The following HOXC4 variants were observed in gnomAD, a reference collection of about 807,000 sequenced individuals.
HOXC4 encodes the protein homeobox protein Hox-C4.
A neutral mutation model predicts 25.5 loss-of-function variants in HOXC4; 15 were observed. That is an observed-to-expected ratio of 0.59 (90% CI 0.39 to 0.91). The LOEUF (loss-of-function observed/expected upper bound fraction) is 0.91, where lower values mean the gene tolerates loss of function less well. Among genes scored for constraint, HOXC4 ranks in the 40% least tolerant of loss-of-function variants. HOXC4 has a pLI of 0.00. For missense variants in HOXC4, 342 were observed against 352.4 expected, an observed-to-expected ratio of 0.97 and a Z score of 0.24; for synonymous variants, 165 against 148.0, an observed-to-expected ratio of 1.11 and a Z score of -0.83.
At chr12:54,031,735 C>T (rs780671785) in intron 1 of HOXC4, among the ~76,000 whole-genome samples, 1 of 152,176 alleles carries the variant, frequency 6.6e-6, no homozygotes, top group Non-Finnish European at 1.5e-5. Context: ...GGGGCCTTCT[C>T]CTGGCGGGGC....
Position 54,054,249 on chromosome 12 carries a change from C to T in HOXC4, c.327C>T (p.Ser109=). 6.2e-7 allele frequency: 1 copy of T among 1,611,036 alleles called. No homozygotes were observed. The highest frequency in any genetic ancestry group is 8.5e-7 in the Non-Finnish European group (1 of 1,178,700). The change falls in exon 1 of 2, where the codon TCC becomes TCT. Residue 109 remains serine, a synonymous_variant. Transcript: ENST00000430889. Reference sequence around the variant, plus strand: ...CGCCTCTCTCAGGCGCCTCCGCCTCCCCGTCCCCAGCCCCGCCAGCCTGCA... The same window carrying T: ...CGCCTCTCTCAGGCGCCTCCGCCTCTCCGTCCCCAGCCCCGCCAGCCTGCA... ...EPAPLSGASA[S]PSPAPPACSQ...
At chr12:54,052,297 G>T (rs1380117225), upstream of HOXC4, among the ~76,000 whole-genome samples, 1 of 152,188 alleles carries the variant, frequency 6.6e-6, no homozygotes, top group South Asian at 2.1e-4. Context: ...CCCTATAAAA[G>T]CTGTAGCGAC....
chr12:54,034,777 A>C (rs943620752), intron 1 of HOXC4: 1 of 428,836 alleles, frequency 2.3e-6, no homozygotes, highest in African/African-American at 2.0e-5. Flanking sequence ...TGCGGCGTAC[A>C]GGCTGGCGCA....
intron 1 of HOXC4, among the ~76,000 whole-genome samples, chr12:54,027,923 G>GA (rs1187612234): frequency 6.6e-6 from 1 of 151,746 alleles, no homozygotes; most frequent in Middle Eastern, 3.2e-3. Context: ...AATTATTGGT[G>GA]AAAAAAATAC....
At chr12:54,029,062 C>G in intron 1 of HOXC4, 1 of 821,642 alleles carries the variant, frequency 1.2e-6, no homozygotes, top group Non-Finnish European at 1.9e-6. Flanking sequence ...ACAGGGCCCC[C>G]TCTTCTGCCC....
chr12:54,033,048 A>G, intron 1 of HOXC4: 2 of 1,242,414 alleles, frequency 1.6e-6, no homozygotes, highest in Non-Finnish European at 2.3e-6. Flanking sequence ...AGAACAAAAA[A>G]CCCCTCAACT....
chr12:54,054,029 A>G lies in HOXC4; in HGVS notation c.107A>G (p.Tyr36Cys), dbSNP rs1937908602. 1.2e-6 allele frequency: 2 copies of G among 1,613,496 alleles called. No individual in the cohort carries two copies. The highest frequency in any genetic ancestry group is 1.7e-6 in the Non-Finnish European group (2 of 1,179,382). Residue 36 changes from tyrosine (Y) to cysteine (C), a missense_variant, in exon 1 of 2, where the codon TAT (tyrosine) becomes TGT (cysteine). Coordinates refer to ENST00000430889, the MANE Select transcript of HOXC4 (RefSeq NM_153633.3). ...TACATCCCTGAACACAGTCCGGAAT[A>G]TTACGGCCGGACCAGGGAATCGGGA... ...NSYIPEHSPEYYGRTRESGFQ... is the reference protein window; with the variant it reads ...NSYIPEHSPECYGRTRESGFQ...
At chr12:54,023,123 T>A (rs376009935) in intron 1 of HOXC4, among the ~76,000 whole-genome samples, 10 of 152,268 alleles carry the variant, frequency 6.6e-5, no homozygotes, top group African/African-American at 2.2e-4. Flanking sequence ...CCCCAGGCTC[T>A]CCCCAAGCCC....
At chr12:54,051,094 G>A (rs1937834135), upstream of HOXC4, among the ~76,000 whole-genome samples, 1 of 152,080 alleles carries the variant, frequency 6.6e-6, no homozygotes, top group Non-Finnish European at 1.5e-5. Context: ...GGAGGGTGAA[G>A]ATTGAAGAAA....
At chr12:54,027,640 AT>A (rs55709517) in intron 1 of HOXC4, among the ~76,000 whole-genome samples, 58,322 of 151,324 alleles carry the variant, frequency 0.39, 11,479 homozygotes, top group East Asian at 0.64. Flanking sequence ...TTTCTATTGC[AT>A]TTTTTATACA....
At chr12:54,049,788 A>G (rs1368729306), upstream of HOXC4, among the ~76,000 whole-genome samples, 1 of 148,902 alleles carries the variant, frequency 6.7e-6, no homozygotes, top group Non-Finnish European at 1.5e-5. Context: ...ACACACACAC[A>G]CACACACACA....
intron 1 of HOXC4, among the ~76,000 whole-genome samples, chr12:54,039,313 G>A (rs1226749008): frequency 6.6e-6 from 1 of 152,178 alleles, no homozygotes; most frequent in Non-Finnish European, 1.5e-5. Flanking sequence ...CGCTGCTCAA[G>A]GGACTGGGGA....
chr12:54,029,044 T>A, intron 1 of HOXC4: 1 of 928,088 alleles, frequency 1.1e-6, no homozygotes, highest in Non-Finnish European at 1.6e-6. Context: ...GCTCGTCTCC[T>A]CACCGAGACA....
At chr12:54,047,505 C>G (rs1006434604) in intron 1 of HOXC4, among the ~76,000 whole-genome samples, 10 of 152,154 alleles carry the variant, frequency 6.6e-5, no homozygotes, top group Admixed American at 2.0e-4. Context: ...CGGGAGGACT[C>G]GGAAATACAC....
intron 1 of HOXC4, chr12:54,038,024 TTCTC>T (rs1941216760): frequency 6.6e-6 from 1 of 152,192 alleles, no homozygotes; most frequent in Non-Finnish European, 1.5e-5. Flanking sequence ...TGTGAGTTAA[TTCTC>T]TCTTTCTCTC....
At chr12:54,040,342 C>T (rs1237454801) in intron 1 of HOXC4, among the ~76,000 whole-genome samples, 1 of 152,182 alleles carries the variant, frequency 6.6e-6, no homozygotes, top group Non-Finnish European at 1.5e-5. Context: ...CTACTTGGGT[C>T]TCTGTCTCGC....
At chr12:54,027,363 A>T (rs994657329) in intron 1 of HOXC4, among the ~76,000 whole-genome samples, 3 of 152,144 alleles carry the variant, frequency 2.0e-5, no homozygotes, top group Admixed American at 6.5e-5. Context: ...TGGAGGGGGC[A>T]GGGGGGCTTC....
chr12:54,028,648 GC>G, intron 1 of HOXC4: 1 of 1,614,094 alleles, frequency 6.2e-7, no homozygotes, highest in East Asian at 2.2e-5. Flanking sequence ...CTATGGAGCG[GC>G]CGTTGCCCAG....
intron 1 of HOXC4, among the ~76,000 whole-genome samples, chr12:54,036,001 G>A (rs1037208627): frequency 1.3e-5 from 2 of 152,140 alleles, no homozygotes; most frequent in East Asian, 3.9e-4. Flanking sequence ...TAGGGCCTCG[G>A]GCTATGCAGG....
Sources: allele counts gnomAD v4.1 joint callset (sites outside exome capture counted in the v4.1 genomes callset), GRCh38; gene constraint gnomAD v4.1.1; transcripts MANE v1.5; gene names NCBI Gene and HGNC (gene_info 2026-07-23, HGNC 2026-07-21).